Variants in TSPAN9 observed in about 807,000 individuals in gnomAD.
The protein encoded by TSPAN9 is tetraspanin-9.
Under a neutral mutation model 31.0 loss-of-function variants are expected in TSPAN9, and 16 were observed. The observed-to-expected ratio is 0.52, with a 90% CI of 0.35 to 0.78. The LOEUF (loss-of-function observed/expected upper bound fraction) is 0.78. TSPAN9 is among the 30% of genes least tolerant of loss of function. The pLI, the probability that TSPAN9 is intolerant of heterozygous loss-of-function variation, is 0.01. For missense variants in TSPAN9, 272 were observed against 312.5 expected (o/e 0.87, Z 0.98); for synonymous variants, 145 against 121.6 (o/e 1.19, Z -1.27).
intron 2 of TSPAN9, among the ~76,000 whole-genome samples, chr12:3,164,361 G>C (rs1309448075): frequency 2.0e-5 from 3 of 152,218 alleles, no homozygotes; most frequent in African/African-American, 7.2e-5. Flanking sequence ...AGCCACCATG[G>C]CTGGCATGCA....
At chr12:3,243,856 G>A (rs192712533) in intron 3 of TSPAN9, among the ~76,000 whole-genome samples, 237 of 152,270 alleles carry the variant, frequency 1.6e-3, no homozygotes, top group Middle Eastern at 3.4e-3. Flanking sequence ...CCTCAAGGCC[G>A]CCACCTCTGA....
chr12:3,105,856 TCACA>T (rs3062079), intron 2 of TSPAN9, among the ~76,000 whole-genome samples: 7 of 142,042 alleles, frequency 4.9e-5, no homozygotes, highest in Admixed American at 1.4e-4. Flanking sequence ...TCACACACGT[TCACA>T]CACACACGCT....
intron 3 of TSPAN9, among the ~76,000 whole-genome samples, chr12:3,236,347 T>G (rs1227432237): frequency 6.6e-6 from 1 of 152,194 alleles, no homozygotes; most frequent in Admixed American, 6.5e-5. Context: ...TGGTAAACAC[T>G]TTACAGGCAT....
At chr12:3,198,627 G>C (rs1591671966) in intron 2 of TSPAN9, among the ~76,000 whole-genome samples, 5 of 92,056 alleles carry the variant, frequency 5.4e-5, no homozygotes, top group Non-Finnish European at 8.9e-5. Context: ...ACCAGCACAG[G>C]CCACCACCAG....
intron 2 of TSPAN9, among the ~76,000 whole-genome samples, chr12:3,191,779 A>G (rs556001198): frequency 5.3e-5 from 8 of 152,330 alleles, no homozygotes; most frequent in Non-Finnish European, 1.2e-4. Flanking sequence ...TCTGGGGTTC[A>G]TGGTCTAGTA....
At chr12:3,163,414 T>C (rs981611051) in intron 2 of TSPAN9, among the ~76,000 whole-genome samples, 1 of 152,236 alleles carries the variant, frequency 6.6e-6, no homozygotes, top group African/African-American at 2.4e-5. Flanking sequence ...ACCCCAGCAT[T>C]GAAACACCCT....
chr12:3,274,563 C>T (rs1218974654), intron 3 of TSPAN9, among the ~76,000 whole-genome samples: 1 of 152,204 alleles, frequency 6.6e-6, no homozygotes, highest in Non-Finnish European at 1.5e-5. Context: ...CGGAGGTCCC[C>T]TGGGAGCAGG....
chr12:3,285,262 G>T lies in TSPAN9; in HGVS notation c.*2146G>T. The T allele has an allele frequency of 7.7e-6, 1 of 129,096 alleles. No homozygotes were observed. The highest frequency in any genetic ancestry group is 1.6e-5 in the Non-Finnish European group (1 of 61,642). 8.0% of individuals were successfully genotyped at this position (129,096 alleles called of 1,614,324 possible). A position where few individuals can be genotyped will look rare whatever the true frequency, so the allele number is the denominator to read the frequency against. On this transcript the variant is annotated 3_prime_UTR_variant, in exon 9 of 9. Coordinates refer to ENST00000011898, the MANE Select transcript of TSPAN9 (RefSeq NM_006675.5). ...GGACCCGGGGCCTCGTGCGTTTTTTGCTGTGGGTGGGGTGGGTGGGTTGGT... is the reference window on the plus strand; with the variant it reads ...GGACCCGGGGCCTCGTGCGTTTTTTTCTGTGGGTGGGGTGGGTGGGTTGGT...
intron 2 of TSPAN9, among the ~76,000 whole-genome samples, chr12:3,123,192 G>A (rs2098325901): frequency 6.6e-6 from 1 of 152,218 alleles, no homozygotes. Context: ...TCCAGGGTTA[G>A]CTCGGGAGTG....
intron 2 of TSPAN9, among the ~76,000 whole-genome samples, chr12:3,088,108 G>A (rs1033250057): frequency 1.3e-5 from 2 of 152,242 alleles, no homozygotes; most frequent in African/African-American, 2.4e-5. Context: ...GTGTCTTTCC[G>A]GGTGTGTGAA....
At chr12:3,174,191 C>T (rs1040373850) in intron 2 of TSPAN9, 2 of 152,374 alleles carry the variant, frequency 1.3e-5, no homozygotes, top group Admixed American at 6.5e-5. Context: ...CCTCAGCCTC[C>T]TGAGTACCTG....
intron 3 of TSPAN9, among the ~76,000 whole-genome samples, chr12:3,250,259 G>T (rs1242725701): frequency 6.6e-6 from 1 of 152,202 alleles, no homozygotes; most frequent in Admixed American, 6.5e-5. Context: ...GTAAAGCTCA[G>T]ACGCCCTTTA....
At chr12:3,148,884 G>C (rs918958277) in intron 2 of TSPAN9, among the ~76,000 whole-genome samples, 1 of 152,194 alleles carries the variant, frequency 6.6e-6, no homozygotes, top group Non-Finnish European at 1.5e-5. Flanking sequence ...GTGGGAGGAG[G>C]GGATGAGGAG....
intron 2 of TSPAN9, among the ~76,000 whole-genome samples, chr12:3,137,199 G>A (rs1420493035): frequency 6.6e-6 from 1 of 152,184 alleles, no homozygotes; most frequent in Admixed American, 6.5e-5. Context: ...GAGGCCTTGG[G>A]CTTCCGCCCC....
rs1423856557 is a variant in TSPAN9 at position 3,285,082 on chromosome 12, C to T, written c.*1966C>T. 6.6e-6 allele frequency: 1 copy of T among 152,144 alleles called. No homozygotes were observed. Among genetic ancestry groups the T allele is most frequent in the African/African-American group, 2.4e-5 (1 of 41,406 alleles). 9.4% of individuals were successfully genotyped at this position (152,144 alleles called of 1,614,324 possible). On this transcript the variant is annotated 3_prime_UTR_variant, in exon 9 of 9. Transcript: ENST00000011898. Reference sequence around the variant, plus strand: ...GGTGCTGATGGAATGTGGGGGAGGCCCACATTTGAGCAAAGCTGCCCTGCC... The same window carrying T: ...GGTGCTGATGGAATGTGGGGGAGGCTCACATTTGAGCAAAGCTGCCCTGCC...
chr12:3,284,543 C>T lies in TSPAN9; in HGVS notation c.*1427C>T, dbSNP rs2153981383. 6.5e-6 allele frequency: 1 copy of T among 153,018 alleles called. No individual in the cohort carries two copies. Among genetic ancestry groups the T allele is most frequent in the Middle Eastern group, 3.4e-3 (1 of 296 alleles). The allele number at this position is 153,018 out of a possible 1,614,324, so 9.5% of individuals were successfully genotyped here. ...TCAGACTGGCTCTTGTTACCGGAGCCACGGGAAGAAAGCAGCCGGAGTCAC... is the reference window on the plus strand; with the variant it reads ...TCAGACTGGCTCTTGTTACCGGAGCTACGGGAAGAAAGCAGCCGGAGTCAC... On this transcript the variant is annotated 3_prime_UTR_variant, in exon 9 of 9. Transcript: ENST00000011898.
At chr12:3,146,551 A>G (rs1480702243) in intron 2 of TSPAN9, among the ~76,000 whole-genome samples, 1 of 152,224 alleles carries the variant, frequency 6.6e-6, no homozygotes, top group East Asian at 1.9e-4. Flanking sequence ...GACAGGCATT[A>G]GACAAACAGT....
At chr12:3,240,307 G>A (rs183471181) in intron 3 of TSPAN9, among the ~76,000 whole-genome samples, 22 of 134,158 alleles carry the variant, frequency 1.6e-4, no homozygotes, top group African/African-American at 5.0e-4. Context: ...TTGTGTGGAC[G>A]AGGTGGGAGA....
intron 2 of TSPAN9, among the ~76,000 whole-genome samples, chr12:3,186,476 AAG>A: frequency 6.6e-6 from 1 of 151,942 alleles, no homozygotes; most frequent in Non-Finnish European, 1.5e-5. Flanking sequence ...AGCCAATGTA[AAG>A]TCTCCAATGT....
Sources: allele counts gnomAD v4.1 joint callset (sites outside exome capture counted in the v4.1 genomes callset), GRCh38; gene constraint gnomAD v4.1.1; transcripts MANE v1.5; gene names NCBI Gene and HGNC (gene_info 2026-07-23, HGNC 2026-07-21).